Variants in FRMPD4 observed in about 807,000 individuals in gnomAD.
The protein encoded by FRMPD4 is FERM and PDZ domain-containing protein 4.
A neutral mutation model predicts 94.1 loss-of-function variants in FRMPD4; 22 were observed. The observed-to-expected ratio is 0.23, with a 90% CI of 0.17 to 0.33. The LOEUF (loss-of-function observed/expected upper bound fraction) is 0.33. Among genes scored for constraint, FRMPD4 ranks in the 10% least tolerant of loss-of-function variants. FRMPD4 has a pLI of 1.00. For missense variants in FRMPD4, 1,111 were observed against 1,339.9 expected (o/e 0.83, Z 2.67); for synonymous variants, 631 against 548.6 (o/e 1.15, Z -2.10).
intron 2 of FRMPD4, among the ~76,000 whole-genome samples, chrX:12,523,769 A>G (rs147342785): frequency 0.016 from 1,761 of 110,939 alleles, 40 homozygotes; most frequent in African/African-American, 0.055. Context: ...CCTCCATTCT[A>G]TAAAATGGAA....
At chrX:12,470,510 A>G (rs951935166) in intron 1 of FRMPD4, among the ~76,000 whole-genome samples, 4 of 112,117 alleles carry the variant, frequency 3.6e-5, no homozygotes, top group African/African-American at 1.3e-4. Context: ...CTAGATAGCT[A>G]TGATGTTTTT....
At chrX:12,028,360 G>A (rs951389173) in intron 3 of FRMPD4, among the ~76,000 whole-genome samples, 3 of 111,542 alleles carry the variant, frequency 2.7e-5, no homozygotes, top group Non-Finnish European at 1.9e-5. Context: ...AGCAAGACTG[G>A]GAGGAAGTTA....
intron 1 of FRMPD4, among the ~76,000 whole-genome samples, chrX:11,835,152 C>A (rs754412981): frequency 9.0e-6 from 1 of 111,487 alleles, no homozygotes; most frequent in African/African-American, 3.3e-5. Context: ...AACCACTGAC[C>A]ACTGACTTCA....
intron 3 of FRMPD4, among the ~76,000 whole-genome samples, chrX:12,071,764 AG>A (rs2054970554): frequency 9.0e-6 from 1 of 111,119 alleles, no homozygotes; most frequent in African/African-American, 3.3e-5. Context: ...CTGCTTTTAC[AG>A]GGTGGTGAAA....
chrX:11,948,995 G>A (rs1361466724), intron 3 of FRMPD4, among the ~76,000 whole-genome samples: 2 of 111,702 alleles, frequency 1.8e-5, no homozygotes, highest in Non-Finnish European at 3.8e-5. Context: ...GATATTTGTA[G>A]GTTAATCACA....
At chrX:12,214,467 C>T (rs1312582663) in intron 1 of FRMPD4, among the ~76,000 whole-genome samples, 2 of 112,080 alleles carry the variant, frequency 1.8e-5, no homozygotes, top group African/African-American at 6.5e-5. Context: ...TTAACACTTA[C>T]CAATGAGTCA....
intron 1 of FRMPD4, among the ~76,000 whole-genome samples, chrX:12,309,743 T>C (rs185564034): frequency 3.5e-5 from 4 of 112,876 alleles, no homozygotes; most frequent in African/African-American, 1.3e-4. Flanking sequence ...CAAATTACTG[T>C]GGTACACTTG....
chrX:12,694,261 G>C (rs1282733292), intron 8 of FRMPD4, 74 bp from the exon 9 acceptor site: 1 of 864,970 alleles, frequency 1.2e-6, no homozygotes, highest in Non-Finnish European at 1.6e-6. Context: ...AAAAAAAGTC[G>C]ACTGCTTCAG....
intron 3 of FRMPD4, among the ~76,000 whole-genome samples, chrX:11,968,623 G>A: frequency 9.0e-6 from 1 of 110,980 alleles, no homozygotes; most frequent in Non-Finnish European, 1.9e-5. Flanking sequence ...CATGAAATGG[G>A]CCAGGACTTC....
chrX:12,617,336 G>T (rs2059245578), intron 4 of FRMPD4, among the ~76,000 whole-genome samples: 1 of 112,373 alleles, frequency 8.9e-6, no homozygotes. Flanking sequence ...AGCCATGTTT[G>T]CTCATTTGCA....
At chrX:12,032,710 G>A (rs1382784197) in intron 3 of FRMPD4, among the ~76,000 whole-genome samples, 1 of 112,244 alleles carries the variant, frequency 8.9e-6, no homozygotes, top group Non-Finnish European at 1.9e-5. Context: ...TAAGCAAAAC[G>A]ATGATGGAAG....
intron 4 of FRMPD4, among the ~76,000 whole-genome samples, chrX:12,669,954 T>C (rs767640772): frequency 3.9e-4 from 44 of 112,299 alleles, no homozygotes; most frequent in Non-Finnish European, 7.3e-4. Context: ...ATAGCAGCCA[T>C]AGGAATCTAA....
chrX:12,113,524 A>C (rs1184249090), intron 3 of FRMPD4, among the ~76,000 whole-genome samples: 1 of 110,994 alleles, frequency 9.0e-6, no homozygotes, highest in East Asian at 2.8e-4. Flanking sequence ...CTGCTTCTGT[A>C]ATCATATCTC....
intron 5 of FRMPD4, among the ~76,000 whole-genome samples, chrX:12,676,794 C>G (rs756291579): frequency 2.7e-5 from 3 of 111,897 alleles, no homozygotes; most frequent in Non-Finnish European, 5.6e-5. Flanking sequence ...TCCGATGGCT[C>G]TTGCCGTTGT....
At chrX:12,492,196 A>G (rs2057799514) in intron 1 of FRMPD4, among the ~76,000 whole-genome samples, 1 of 112,119 alleles carries the variant, frequency 8.9e-6, no homozygotes, top group Non-Finnish European at 1.9e-5. Flanking sequence ...GACCCTGAAG[A>G]CATCTGGATT....
intron 1 of FRMPD4, among the ~76,000 whole-genome samples, chrX:11,824,798 G>T (rs2053432015): frequency 9.0e-6 from 1 of 111,163 alleles, no homozygotes; most frequent in African/African-American, 3.3e-5. Flanking sequence ...AAGAGGTAAT[G>T]CTCCAGAGAT....
At chrX:12,361,179 C>A (rs1278170481) in intron 1 of FRMPD4, among the ~76,000 whole-genome samples, 1 of 111,997 alleles carries the variant, frequency 8.9e-6, no homozygotes, top group Non-Finnish European at 1.9e-5. Flanking sequence ...CTGGTTATTT[C>A]TTGAACTATG....
chrX:12,111,093 A>G (rs1206700609), intron 3 of FRMPD4, among the ~76,000 whole-genome samples: 2 of 111,862 alleles, frequency 1.8e-5, no homozygotes, highest in African/African-American at 6.5e-5. Flanking sequence ...TGGAACCAAA[A>G]AAGGGCCCGC....
intron 1 of FRMPD4, among the ~76,000 whole-genome samples, chrX:12,206,215 T>G (rs2056690747): frequency 8.9e-6 from 1 of 112,361 alleles, no homozygotes; most frequent in Non-Finnish European, 1.9e-5. Flanking sequence ...TGAATTAAAT[T>G]CAGTAATGTG....
Sources: gnomAD v4.1 joint callset for allele counts (sites outside exome capture counted in the v4.1 genomes callset) on GRCh38, gnomAD v4.1.1 for gene constraint, MANE v1.5 for transcripts, NCBI Gene and HGNC (gene_info 2026-07-23, HGNC 2026-07-21) for gene names.